ADAMTS6: variants seen among roughly 807,000 people sequenced by gnomAD.
The protein encoded by ADAMTS6 is ADAM metallopeptidase with thrombospondin type 1 motif 6, also known as A disintegrin and metalloproteinase with thrombospondin motifs 6.
ADAMTS6 carries 23 observed loss-of-function variants against 144.3 expected under a neutral mutation model. The observed-to-expected ratio is 0.16, with a 90% CI of 0.11 to 0.23. ADAMTS6 has a LOEUF of 0.23. ADAMTS6 is among the 10% of genes least tolerant of loss of function. ADAMTS6 has a pLI of 1.00. For missense variants in ADAMTS6, 999 were observed against 1,379.6 expected (o/e 0.72, Z 4.37); for synonymous variants, 444 against 457.5 (o/e 0.97, Z 0.38).
At chr5:65,371,677 A>C (rs1488053787) in intron 7 of ADAMTS6, among the ~76,000 whole-genome samples, 1 of 152,228 alleles carries the variant, frequency 6.6e-6, no homozygotes, top group Non-Finnish European at 1.5e-5. Flanking sequence ...GGAGAATGGA[A>C]CCAAGTTGGA....
chr5:65,156,841 C>T (rs1752450255), intron 24 of ADAMTS6, among the ~76,000 whole-genome samples: 1 of 152,224 alleles, frequency 6.6e-6, no homozygotes, highest in Non-Finnish European at 1.5e-5. Context: ...AGAAGAATGA[C>T]AAGACACCCT....
intron 7 of ADAMTS6, among the ~76,000 whole-genome samples, chr5:65,448,316 A>G (rs1758441554): frequency 6.6e-6 from 1 of 152,162 alleles, no homozygotes; most frequent in African/African-American, 2.4e-5. Flanking sequence ...ATAATTTGTA[A>G]AAGACGGGAT....
intron 9 of ADAMTS6, among the ~76,000 whole-genome samples, chr5:65,303,288 CCTGT>C (rs1743614046): frequency 6.6e-6 from 1 of 151,898 alleles, no homozygotes; most frequent in African/African-American, 2.4e-5. Flanking sequence ...TCCTTTTATC[CCTGT>C]CTACTTCTTA....
rs116103038 is a variant in ADAMTS6 at position 65,243,842 on chromosome 5, T to C, written c.1831-1636A>G. 5.5e-3 allele frequency among the ~76,000 whole-genome samples: 840 copies of C among 152,174 alleles called. 3 individuals carry two copies. The highest frequency in any genetic ancestry group is 0.02 in the African/African-American group (813 of 41,554). ...CAAACAAAAAAAACAAACAAATAAT[T>C]TGAACTCTAGCTATAAGTTTTCACA... On this transcript the variant is annotated intron_variant, in intron 14 of 24. Coordinates refer to ENST00000381055, the MANE Select transcript of ADAMTS6 (RefSeq NM_197941.4).
intron 18 of ADAMTS6, among the ~76,000 whole-genome samples, chr5:65,216,529 T>G (rs1756930597): frequency 6.6e-6 from 1 of 152,080 alleles, no homozygotes; most frequent in Non-Finnish European, 1.5e-5. Context: ...AATTGTTCAC[T>G]TCAAATGGTT....
intron 15 of ADAMTS6, among the ~76,000 whole-genome samples, chr5:65,236,287 A>T (rs1758663357): frequency 6.6e-6 from 1 of 152,150 alleles, no homozygotes; most frequent in South Asian, 2.1e-4. Flanking sequence ...TCACCAAGAA[A>T]AGAGTATTCT....
chr5:65,329,583 G>A, intron 8 of ADAMTS6, 100 bp from the exon 9 acceptor site: 1 of 982,682 alleles, frequency 1.0e-6, no homozygotes, highest in East Asian at 2.8e-5. Context: ...TAACCTCCAT[G>A]CACAGAAGGA....
At chr5:65,335,701 A>C (rs1278097984) in intron 7 of ADAMTS6, among the ~76,000 whole-genome samples, 1 of 152,196 alleles carries the variant, frequency 6.6e-6, no homozygotes, top group Non-Finnish European at 1.5e-5. Context: ...TGGGGAAATA[A>C]AACACAAGTG....
At chr5:65,320,462 C>T (rs143734490) in intron 9 of ADAMTS6, among the ~76,000 whole-genome samples, 11 of 151,702 alleles carry the variant, frequency 7.3e-5, no homozygotes, top group East Asian at 5.8e-4. Context: ...GCTCCAATGA[C>T]GTCATTGATG....
chr5:65,280,111 G>A (rs541997462), intron 11 of ADAMTS6, among the ~76,000 whole-genome samples: 4 of 152,146 alleles, frequency 2.6e-5, no homozygotes, highest in Non-Finnish European at 5.9e-5. Flanking sequence ...TGGGGCTTCA[G>A]TTTCTTATGG....
intron 7 of ADAMTS6, among the ~76,000 whole-genome samples, chr5:65,356,120 T>C (rs1238985206): frequency 6.6e-6 from 1 of 151,788 alleles, no homozygotes; most frequent in African/African-American, 2.4e-5. Context: ...TACATTTAAA[T>C]GACTAAAAAA....
At chr5:65,321,643 G>A (rs1336970764) in intron 9 of ADAMTS6, among the ~76,000 whole-genome samples, 9 of 150,872 alleles carry the variant, frequency 6.0e-5, no homozygotes, top group African/African-American at 2.2e-4. Flanking sequence ...GTATTGCCTA[G>A]GTTCTTTCAG....
At chr5:65,389,070 G>A (rs1404592009) in intron 7 of ADAMTS6, among the ~76,000 whole-genome samples, 1 of 152,176 alleles carries the variant, frequency 6.6e-6, no homozygotes, top group East Asian at 1.9e-4. Flanking sequence ...CGGGCGTGGT[G>A]GCGGACGCCT....
intron 9 of ADAMTS6, among the ~76,000 whole-genome samples, chr5:65,305,235 C>T (rs541256375): frequency 6.6e-6 from 1 of 152,226 alleles, no homozygotes; most frequent in African/African-American, 2.4e-5. Flanking sequence ...AATCTTTCTA[C>T]TATAGCAATA....
chr5:65,322,409 A>G (rs1057418430), intron 9 of ADAMTS6, among the ~76,000 whole-genome samples: 1 of 152,176 alleles, frequency 6.6e-6, no homozygotes, highest in Non-Finnish European at 1.5e-5. Flanking sequence ...TTCTGTGAAG[A>G]ATATCAATGG....
intron 10 of ADAMTS6, among the ~76,000 whole-genome samples, chr5:65,297,689 A>G (rs1580328943): frequency 6.6e-6 from 1 of 152,218 alleles, no homozygotes. Context: ...GAAATTCAAG[A>G]AAGTTACTGT....
chr5:65,225,369 G>A (rs1757653113), intron 16 of ADAMTS6, among the ~76,000 whole-genome samples: 1 of 152,160 alleles, frequency 6.6e-6, no homozygotes, highest in Non-Finnish European at 1.5e-5. Flanking sequence ...AAGAAATTAT[G>A]AGACTAAGTA....
At chr5:65,444,920 A>G (rs1337327611) in intron 7 of ADAMTS6, among the ~76,000 whole-genome samples, 2 of 152,332 alleles carry the variant, frequency 1.3e-5, no homozygotes, top group South Asian at 2.1e-4. Context: ...CTTCTCCAAT[A>G]TGGAGAAAAA....
At chr5:65,316,290 A>G (rs1024065257) in intron 9 of ADAMTS6, among the ~76,000 whole-genome samples, 1 of 152,232 alleles carries the variant, frequency 6.6e-6, no homozygotes, top group Non-Finnish European at 1.5e-5. Flanking sequence ...ATATATAGTT[A>G]GTTGACCTGA....
Sources: allele counts gnomAD v4.1 joint callset (sites outside exome capture counted in the v4.1 genomes callset), GRCh38; gene constraint gnomAD v4.1.1; transcripts MANE v1.5; gene names NCBI Gene and HGNC (gene_info 2026-07-23, HGNC 2026-07-21).